CNTN5: variants seen among roughly 807,000 people sequenced by gnomAD.
The protein encoded by CNTN5 is contactin-5.
Under a neutral mutation model 129.1 loss-of-function variants are expected in CNTN5, and 77 were observed. The ratio of observed to expected loss-of-function variants is 0.60; its 90% CI spans 0.50 to 0.72. The LOEUF (loss-of-function observed/expected upper bound fraction) is 0.72, where lower values mean the gene tolerates loss of function less well. Among genes scored for constraint, CNTN5 ranks in the 30% least tolerant of loss-of-function variants. The pLI, the probability that CNTN5 is intolerant of heterozygous loss-of-function variation, is 0.00. For synonymous variants in CNTN5, 509 were observed against 465.6 expected (o/e 1.09, Z -1.20); for missense variants, 1,478 against 1,328.8 (o/e 1.11, Z -1.75).
chr11:100,065,035 A>C (rs1397612134), intron 10 of CNTN5, among the ~76,000 whole-genome samples: 1 of 152,114 alleles, frequency 6.6e-6, no homozygotes, highest in Admixed American at 6.6e-5. Flanking sequence ...GACGGTCACT[A>C]TGACCTCTAG....
chr11:99,452,713 G>A (rs1944353969), intron 2 of CNTN5, among the ~76,000 whole-genome samples: 1 of 151,976 alleles, frequency 6.6e-6, no homozygotes, highest in African/African-American at 2.4e-5. Flanking sequence ...ATGTCCTTAA[G>A]TATTGTGGTA....
chr11:100,286,296 G>A lies in CNTN5; in HGVS notation c.2315-11329G>A, dbSNP rs1950789151. Among the ~76,000 whole-genome samples, 4 of 152,180 alleles carry A rather than the reference G, an allele frequency of 2.6e-5. 1 individual carries two copies. The highest frequency in any genetic ancestry group is 2.1e-4 in the South Asian group (1 of 4,832). On this transcript the variant is annotated intron_variant, in intron 18 of 24. Coordinates refer to ENST00000524871, the MANE Select transcript of CNTN5 (RefSeq NM_014361.4). ...GCCTGCCTCTGTAGGCTCCACCTCTGGGGGCAGGGCACAGACAAACAAAAA... is the reference window on the plus strand; with the variant it reads ...GCCTGCCTCTGTAGGCTCCACCTCTAGGGGCAGGGCACAGACAAACAAAAA...
intron 3 of CNTN5, among the ~76,000 whole-genome samples, chr11:99,569,972 A>G (rs1295348936): frequency 6.6e-6 from 1 of 152,142 alleles, no homozygotes; most frequent in Non-Finnish European, 1.5e-5. Context: ...ACCAATAAAA[A>G]ATTACTAAAG....
intron 1 of CNTN5, among the ~76,000 whole-genome samples, chr11:99,056,472 T>A (rs1433755469): frequency 5.3e-5 from 8 of 152,024 alleles, no homozygotes; most frequent in African/African-American, 1.4e-4. Flanking sequence ...AATAGAACAG[T>A]TTGGTTAGGG....
intron 1 of CNTN5, among the ~76,000 whole-genome samples, chr11:99,194,668 C>T (rs1039148517): frequency 7.9e-5 from 12 of 151,990 alleles, no homozygotes; most frequent in African/African-American, 1.2e-4. Context: ...TGCAGTGGCC[C>T]GATCTCGGCT....
intron 2 of CNTN5, among the ~76,000 whole-genome samples, chr11:99,521,557 C>T (rs1256375791): frequency 2.0e-5 from 3 of 152,106 alleles, no homozygotes; most frequent in African/African-American, 7.2e-5. Context: ...TGTGAGTCAT[C>T]CTTTCTTTTA....
intron 13 of CNTN5, among the ~76,000 whole-genome samples, chr11:100,090,576 CTCCT>C (rs893233014): frequency 9.4e-6 from 1 of 106,352 alleles, no homozygotes; most frequent in Non-Finnish European, 1.8e-5. Flanking sequence ...CCTTCCTTCC[CTCCT>C]TCCTTCTTTC....
At chr11:100,086,353 C>G (rs1327555534) in intron 13 of CNTN5, among the ~76,000 whole-genome samples, 1 of 149,670 alleles carries the variant, frequency 6.7e-6, no homozygotes, top group African/African-American at 2.4e-5. Flanking sequence ...TAGCAAGAAG[C>G]TAGAAGGAAA....
At chr11:99,738,541 A>G (rs1943783170) in intron 3 of CNTN5, among the ~76,000 whole-genome samples, 2 of 152,060 alleles carry the variant, frequency 1.3e-5, no homozygotes, top group Admixed American at 1.3e-4. Flanking sequence ...GAAATAATAG[A>G]AGGAAAGTGC....
intron 7 of CNTN5, among the ~76,000 whole-genome samples, chr11:99,926,191 G>T (rs773695317): frequency 6.6e-5 from 10 of 152,072 alleles, no homozygotes; most frequent in African/African-American, 2.2e-4. Context: ...TGAGAAAGGG[G>T]TTGCCTTAAA....
At chr11:99,273,796 T>TG (rs1378587374) in intron 1 of CNTN5, among the ~76,000 whole-genome samples, 2 of 151,532 alleles carry the variant, frequency 1.3e-5, no homozygotes, top group African/African-American at 4.9e-5. Flanking sequence ...ATTATACTTA[T>TG]GATTTTTTTT....
At chr11:100,018,615 A>G (rs1190747611) in intron 9 of CNTN5, among the ~76,000 whole-genome samples, 2 of 152,056 alleles carry the variant, frequency 1.3e-5, no homozygotes, top group African/African-American at 2.4e-5. Context: ...ATTACCATAA[A>G]TCTTCCATGA....
At chr11:99,958,616 T>G (rs79386549) in intron 8 of CNTN5, among the ~76,000 whole-genome samples, 10,768 of 152,194 alleles carry the variant, frequency 0.071, 764 homozygotes, top group East Asian at 0.31. Flanking sequence ...GTGTATATAT[T>G]ATGCCAACTT....
chr11:99,462,360 C>CTTTTTTTT (rs72276833), intron 2 of CNTN5, among the ~76,000 whole-genome samples: 99 of 125,246 alleles, frequency 7.9e-4, no homozygotes, highest in Non-Finnish European at 9.2e-4. Flanking sequence ...CTTTTCTTTT[C>CTTTTTTTT]TTTTTTTTTT....
chr11:99,812,943 A>G (rs1266909539), intron 3 of CNTN5, among the ~76,000 whole-genome samples: 1 of 151,896 alleles, frequency 6.6e-6, no homozygotes, highest in Non-Finnish European at 1.5e-5. Context: ...GGTTTTATAA[A>G]TTTTTAGAAT....
At chr11:99,801,718 T>C in intron 3 of CNTN5, among the ~76,000 whole-genome samples, 1 of 152,230 alleles carries the variant, frequency 6.6e-6, no homozygotes, top group South Asian at 2.1e-4. Flanking sequence ...GTGCAGTCTA[T>C]TGATAAATAT....
intron 13 of CNTN5, among the ~76,000 whole-genome samples, chr11:100,187,896 T>A (rs1319795432): frequency 6.6e-6 from 1 of 152,100 alleles, no homozygotes; most frequent in Non-Finnish European, 1.5e-5. Context: ...TGTGACTAAG[T>A]CCTCAAAAAC....
At chr11:99,842,072 T>C (rs1947525082) in intron 4 of CNTN5, among the ~76,000 whole-genome samples, 1 of 151,796 alleles carries the variant, frequency 6.6e-6, no homozygotes, top group Non-Finnish European at 1.5e-5. Flanking sequence ...ATTTTGTATG[T>C]TTAGTACAGA....
At chr11:99,362,923 G>A (rs1485022715) in intron 2 of CNTN5, among the ~76,000 whole-genome samples, 5 of 152,026 alleles carry the variant, frequency 3.3e-5, no homozygotes, top group Admixed American at 1.3e-4. Flanking sequence ...TACTGTAGCC[G>A]TGCACTGTTT....
Sources: allele counts gnomAD v4.1 joint callset (sites outside exome capture counted in the v4.1 genomes callset), GRCh38; gene constraint gnomAD v4.1.1; transcripts MANE v1.5; gene names NCBI Gene and HGNC (gene_info 2026-07-23, HGNC 2026-07-21).